Variants in FXR1 observed in about 807,000 individuals in gnomAD.
FXR1 encodes FMR1 autosomal homolog 1.
FXR1 carries 15 observed loss-of-function variants against 84.0 expected under a neutral mutation model. The ratio of observed to expected loss-of-function variants is 0.18; its 90% CI spans 0.12 to 0.27. The LOEUF is 0.27. Among genes scored for constraint, FXR1 ranks in the 10% least tolerant of loss-of-function variants. The pLI is 1.00. For synonymous variants in FXR1, 245 were observed against 250.7 expected (o/e 0.98, Z 0.21); for missense variants, 480 against 774.4 (o/e 0.62, Z 4.51).
chr3:180,966,755 G>A (rs542546263), intron 13 of FXR1, among the ~76,000 whole-genome samples: 1 of 152,124 alleles, frequency 6.6e-6, no homozygotes, highest in Admixed American at 6.5e-5. Flanking sequence ...AAAAAATGGG[G>A]AGAGATCTGT....
chr3:180,924,020 G>A (rs1313805667), intron 1 of FXR1, among the ~76,000 whole-genome samples: 2 of 152,020 alleles, frequency 1.3e-5, no homozygotes, highest in African/African-American at 4.8e-5. Context: ...GTGCAGTGGC[G>A]TGGTCTTGGC....
chr3:180,968,450 A>ATACTGG, intron 14 of FXR1, 196 bp downstream of exon 14: 2 of 514,682 alleles, frequency 3.9e-6, no homozygotes, highest in South Asian at 5.3e-5. Flanking sequence ...TACTTAGAAT[A>ATACTGG]TACTGGTCAG....
At chr3:180,946,907 A>G (rs1721753401) in intron 3 of FXR1, among the ~76,000 whole-genome samples, 1 of 152,166 alleles carries the variant, frequency 6.6e-6, no homozygotes, top group Non-Finnish European at 1.5e-5. Flanking sequence ...ACCTTTCTCT[A>G]TACTGAAAAT....
intron 1 of FXR1, among the ~76,000 whole-genome samples, chr3:180,924,847 T>C (rs1273626432): frequency 2.6e-5 from 4 of 152,152 alleles, no homozygotes; most frequent in East Asian, 1.9e-4. Context: ...CACTGTACCA[T>C]GAAGAAAGAA....
At chr3:180,915,625 T>A in intron 1 of FXR1, 1 of 741,752 alleles carries the variant, frequency 1.3e-6, no homozygotes, top group Non-Finnish European at 2.4e-6. Flanking sequence ...GGTTTTTCAA[T>A]GTACAGGTGA....
chr3:180,948,154 G>A (rs1805599), intron 4 of FXR1, 193 bp from the exon 5 acceptor site: 132,911 of 612,382 alleles, frequency 0.22, 15,229 homozygotes, highest in African/African-American at 0.3. Context: ...TGTAAGGACC[G>A]CCAAGGTTCA....
intron 1 of FXR1, among the ~76,000 whole-genome samples, chr3:180,923,882 C>G (rs868756992): frequency 6.6e-6 from 1 of 152,072 alleles, no homozygotes; most frequent in Non-Finnish European, 1.5e-5. Context: ...CCTCAGGCAT[C>G]CTTCTTGAGA....
At chr3:180,958,579 C>A (rs774126909) in intron 10 of FXR1, among the ~76,000 whole-genome samples, 5 of 152,102 alleles carry the variant, frequency 3.3e-5, no homozygotes, top group Non-Finnish European at 7.4e-5. Context: ...CTTTTTATGG[C>A]TGAGTAATAT....
At chr3:180,933,943 C>T (rs1720232031) in intron 2 of FXR1, among the ~76,000 whole-genome samples, 1 of 151,590 alleles carries the variant, frequency 6.6e-6, no homozygotes, top group Admixed American at 6.6e-5. Context: ...AACCCTGTCT[C>T]TACTAAAAAA....
chr3:180,923,761 A>G (rs2108429747), intron 1 of FXR1, among the ~76,000 whole-genome samples: 1 of 152,138 alleles, frequency 6.6e-6, no homozygotes, highest in East Asian at 1.9e-4. Context: ...TTGTTTCAGG[A>G]GACCGGTCTG....
chr3:180,955,989 A>G (rs555192988), intron 9 of FXR1, among the ~76,000 whole-genome samples: 20 of 152,246 alleles, frequency 1.3e-4, no homozygotes, highest in Non-Finnish European at 2.2e-4. Flanking sequence ...AAGAATTTCT[A>G]TTGGTTGTCA....
intron 14 of FXR1, among the ~76,000 whole-genome samples, chr3:180,969,932 G>C (rs1406592371): frequency 6.6e-6 from 1 of 152,060 alleles, no homozygotes; most frequent in Non-Finnish European, 1.5e-5. Context: ...CAAGATGTCT[G>C]CTTACTTTCT....
chr3:180,914,783 G>T, intron 1 of FXR1: 1 of 976,644 alleles, frequency 1.0e-6, no homozygotes, highest in Non-Finnish European at 1.2e-6. Context: ...GCCTCACAAA[G>T]TGAGTTGGTA....
chr3:180,943,638 G>T (rs1401203491), intron 3 of FXR1, among the ~76,000 whole-genome samples: 1 of 152,266 alleles, frequency 6.6e-6, no homozygotes. Context: ...TCTTTCAGGG[G>T]TGAAGTTATG....
intron 1 of FXR1, chr3:180,915,064 G>A (rs533531070): frequency 6.7e-5 from 20 of 300,116 alleles, no homozygotes; most frequent in African/African-American, 4.5e-4. Flanking sequence ...AACATGAGGG[G>A]CTTGAAGTAG....
chr3:180,974,109 A>AG (rs1212788281), intron 15 of FXR1, among the ~76,000 whole-genome samples: 1 of 151,904 alleles, frequency 6.6e-6, no homozygotes, highest in East Asian at 1.9e-4. Flanking sequence ...GAAAGAAAAA[A>AG]GGGTGGTTCT....
In FXR1 at chr3:180,951,287, T is replaced by G. The variant is rs1485104919; in HGVS notation, c.631-11T>G. ...TGATCTTTTATATTACTAATTTTCCTTTTTTATTAGTGCACAAAACAACTT... is the reference window on the plus strand; with the variant it reads ...TGATCTTTTATATTACTAATTTTCCGTTTTTATTAGTGCACAAAACAACTT... On this transcript the variant is annotated splice_polypyrimidine_tract_variant and intron_variant, in intron 7 of 16. Transcript: ENST00000357559. 6.5e-7 allele frequency: 1 copy of G among 1,545,178 alleles called. No homozygotes were observed. The highest frequency in any genetic ancestry group is 8.9e-7 in the Non-Finnish European group (1 of 1,129,288).
intron 1 of FXR1, among the ~76,000 whole-genome samples, chr3:180,928,853 T>C (rs146535225): frequency 1.3e-5 from 2 of 152,306 alleles, no homozygotes; most frequent in African/African-American, 4.8e-5. Context: ...GGATAGTGCT[T>C]TTTCACTGCT....
intron 15 of FXR1, among the ~76,000 whole-genome samples, chr3:180,973,054 A>G (rs565559233): frequency 3.7e-4 from 56 of 152,312 alleles, no homozygotes; most frequent in African/African-American, 1.3e-3. Context: ...TGTCCAGTTG[A>G]TTAACTTGGA....
Sources: gnomAD v4.1 joint callset for allele counts (sites outside exome capture counted in the v4.1 genomes callset) on GRCh38, gnomAD v4.1.1 for gene constraint, MANE v1.5 for transcripts, NCBI Gene and HGNC (gene_info 2026-07-23, HGNC 2026-07-21) for gene names.